Variants in CCDC93 observed in about 807,000 individuals in gnomAD.
The protein encoded by CCDC93 is coiled-coil domain-containing protein 93.
Under a neutral mutation model 108.2 loss-of-function variants are expected in CCDC93, and 61 were observed. The ratio of observed to expected loss-of-function variants is 0.56; its 90% CI spans 0.46 to 0.70. The LOEUF (loss-of-function observed/expected upper bound fraction) is 0.70. CCDC93 is among the 30% of genes least tolerant of loss of function. The probability of loss-of-function intolerance (pLI) is 0.00; values close to 1 mark genes in which losing one functional copy is unlikely to be tolerated. For missense variants in CCDC93, 685 were observed against 764.2 expected, an observed-to-expected ratio of 0.90 and a Z score of 1.22; for synonymous variants, 276 against 260.4, an observed-to-expected ratio of 1.06 and a Z score of -0.58.
rs965892083 is a variant in CCDC93, at chr2:118,007,944, G to A, written c.156+601C>T. 5.9e-5 allele frequency among the ~76,000 whole-genome samples: 9 copies of A among 152,276 alleles called. No homozygotes were observed. In the Middle Eastern group the frequency reaches 0.014, roughly 230 times the overall value. On this transcript the variant is annotated intron_variant, in intron 2 of 23. Coordinates refer to ENST00000376300, the MANE Select transcript of CCDC93 (RefSeq NM_019044.5). ...TGCGTCCTTTCTGTGCACAGTCCAC[G>A]GTGGCACTTTCTGCATCATGCCATT...
intron 3 of CCDC93, among the ~76,000 whole-genome samples, chr2:118,005,617 C>T (rs866390189): frequency 4.6e-5 from 7 of 151,814 alleles, no homozygotes; most frequent in South Asian, 4.2e-4. Flanking sequence ...ATTAGCTGGG[C>T]GTGGTGGTGT....
chr2:117,937,383 G>T (rs887275534), intron 20 of CCDC93, among the ~76,000 whole-genome samples: 5 of 152,122 alleles, frequency 3.3e-5, no homozygotes, highest in Admixed American at 1.3e-4. Context: ...TACTCAATTT[G>T]GGGCCTCAGA....
chr2:118,013,721 A>G (rs1202360700), intron 1 of CCDC93, among the ~76,000 whole-genome samples: 1 of 151,640 alleles, frequency 6.6e-6, no homozygotes, highest in African/African-American at 2.4e-5. Flanking sequence ...CTGCGCCCCA[A>G]GAGACCCGGG....
intron 7 of CCDC93, among the ~76,000 whole-genome samples, chr2:117,978,736 G>A (rs563979805): frequency 2.6e-5 from 4 of 152,122 alleles, no homozygotes; most frequent in Non-Finnish European, 5.9e-5. Flanking sequence ...GCTGGCTCAC[G>A]CCTGCAAAGT....
At chr2:117,930,231 T>C (rs1359947570) in intron 23 of CCDC93, among the ~76,000 whole-genome samples, 1 of 152,192 alleles carries the variant, frequency 6.6e-6, no homozygotes, top group Non-Finnish European at 1.5e-5. Context: ...AACACCAGGA[T>C]ACAATCTACC....
intron 17 of CCDC93, chr2:117,944,706 A>G (rs1678813601): frequency 2.1e-6 from 1 of 470,918 alleles, no homozygotes. Context: ...CATAGGGAAT[A>G]TAAACACACC....
intron 23 of CCDC93, among the ~76,000 whole-genome samples, chr2:117,924,293 A>C (rs1677996597): frequency 6.6e-6 from 1 of 152,256 alleles, no homozygotes; most frequent in South Asian, 2.1e-4. Context: ...GACTTTGATG[A>C]GTTGAGAGAA....
intron 16 of CCDC93, 101 bp downstream of exon 16, chr2:117,946,710 C>A (rs1678882916): frequency 2.6e-6 from 2 of 760,666 alleles, no homozygotes; most frequent in Non-Finnish European, 2.3e-6. Flanking sequence ...TGTCTATTTA[C>A]AGGATAAGTT....
At chr2:117,951,816 G>A in intron 13 of CCDC93, 5 of 386,850 alleles carry the variant, frequency 1.3e-5, no homozygotes, top group Non-Finnish European at 1.8e-5. Flanking sequence ...CTGATGTGAA[G>A]TAGCACACTT....
In CCDC93 at chr2:117,920,073, C is replaced by T. The variant is rs1294483679; in HGVS notation, c.*270G>A. The T allele has an allele frequency of 3.0e-6, 1 of 333,674 alleles. No homozygotes were observed. The highest frequency in any genetic ancestry group is 5.5e-6 in the Non-Finnish European group (1 of 181,252). The allele number at this position is 333,674 out of a possible 1,614,324, so 20.7% of individuals were successfully genotyped here. A position where few individuals can be genotyped will look rare whatever the true frequency, so the allele number is the denominator to read the frequency against. ...TTCATAAGCGCAATGTTACTGGAGACATAAAAGTTGAATCAACAGAGAACA... is the reference window on the plus strand; with the variant it reads ...TTCATAAGCGCAATGTTACTGGAGATATAAAAGTTGAATCAACAGAGAACA... On this transcript the variant is annotated 3_prime_UTR_variant, in exon 24 of 24. Transcript: ENST00000376300.
chr2:117,949,909 C>T (rs1398227826), intron 13 of CCDC93: 7 of 985,210 alleles, frequency 7.1e-6, no homozygotes, highest in African/African-American at 3.5e-5. Context: ...AGTTAGCAGA[C>T]GTAGGAAGGA....
At position 118,000,872 on chromosome 2, in the gene CCDC93, C is replaced by G. The variant is rs1033599760; in HGVS notation, c.312G>C (p.Glu104Asp). 1 of 1,613,704 alleles carries G rather than the reference C, an allele frequency of 6.2e-7. No individual in the cohort carries two copies. Among genetic ancestry groups the G allele is most frequent in the African/African-American group, 1.3e-5 (1 of 74,872 alleles). ...LPRMKCPHQL[E>D]PHQIQGMDFI... ...AATCCATCCCCTGGATCTGGTGGGG[C>G]TCCAGCTGGTGTGGGCATTTCATCC... Residue 104 changes from glutamate to aspartate, a missense_variant, in exon 4 of 24, where the codon GAG becomes GAC. Glu to Asp is a conservative substitution (Grantham distance 45). Transcript: ENST00000376300.
At chr2:118,005,121 G>A (rs72838037) in intron 3 of CCDC93, among the ~76,000 whole-genome samples, 8,551 of 152,178 alleles carry the variant, frequency 0.056, 297 homozygotes, top group Non-Finnish European at 0.082. Context: ...GTGTCTTTTA[G>A]ATTTCAGAAA....
intron 4 of CCDC93, chr2:118,000,342 G>T: frequency 6.5e-6 from 1 of 152,964 alleles, no homozygotes; most frequent in South Asian, 2.1e-4. Flanking sequence ...AAGGGTTGAA[G>T]TAAGCCATAT....
intron 11 of CCDC93, among the ~76,000 whole-genome samples, chr2:117,961,344 G>T (rs758192720): frequency 9.2e-5 from 14 of 152,256 alleles, no homozygotes; most frequent in Non-Finnish European, 2.1e-4. Flanking sequence ...TTTATTGGTA[G>T]GTAATAATTC....
chr2:117,920,295 C>A lies in CCDC93; in HGVS notation c.*48G>T. ...ATTTCATGATCTTGTAGGTGATATA[C>A]GGTGCTTAAAAGTAAAATCAATGAC... On this transcript the variant is annotated 3_prime_UTR_variant, in exon 24 of 24. Transcript: ENST00000376300. 7.6e-7 allele frequency: 1 copy of A among 1,323,466 alleles called. No homozygotes were observed. Among genetic ancestry groups the A allele is most frequent in the South Asian group, 1.2e-5 (1 of 83,556 alleles). 82.0% of individuals were successfully genotyped at this position (1,323,466 alleles called of 1,614,324 possible).
intron 6 of CCDC93, among the ~76,000 whole-genome samples, chr2:117,988,665 G>C (rs1680389945): frequency 6.6e-6 from 1 of 152,150 alleles, no homozygotes; most frequent in South Asian, 2.1e-4. Context: ...GCAATGTCCT[G>C]AAAGATCTCA....
At chr2:117,923,150 C>T (rs1050900613) in intron 23 of CCDC93, among the ~76,000 whole-genome samples, 1 of 151,970 alleles carries the variant, frequency 6.6e-6, no homozygotes, top group East Asian at 1.9e-4. Context: ...CCAAGATGGC[C>T]GAATAGGAAC....
At position 118,008,659 on chromosome 2, in the gene CCDC93, CTAAAA is replaced by C; in HGVS notation, c.43-6_43-2del. The C allele has an allele frequency of 1.3e-6, 2 of 1,598,872 alleles. No individual in the cohort carries two copies. The highest frequency in any genetic ancestry group is 1.7e-6 in the Non-Finnish European group (2 of 1,167,446). On this transcript the variant is annotated splice_acceptor_variant and splice_polypyrimidine_tract_variant and intron_variant, in intron 1 of 23. Transcript: ENST00000376300. LOFTEE classifies it high-confidence loss of function. ...GTTCTTCATCTTCTCTTGTTTCCAC[CTAAAA>C]TAAAAGGTAAAACTTTGGCTGGTAA...
Sources: allele counts gnomAD v4.1 joint callset (sites outside exome capture counted in the v4.1 genomes callset), GRCh38; gene constraint gnomAD v4.1.1; transcripts MANE v1.5; gene names NCBI Gene and HGNC (gene_info 2026-07-23, HGNC 2026-07-21).